SLC6A11: variants seen among roughly 807,000 people sequenced by gnomAD.
SLC6A11 encodes the protein sodium- and chloride-dependent GABA transporter 3.
Under a neutral mutation model 74.8 loss-of-function variants are expected in SLC6A11, and 25 were observed. The observed-to-expected ratio is 0.33, with a 90% CI of 0.24 to 0.47. The LOEUF is 0.47. Ranked by LOEUF, SLC6A11 falls within the 20% of genes least tolerant of loss-of-function variation. The probability of loss-of-function intolerance (pLI) is 1.00; values close to 1 mark genes in which losing one functional copy is unlikely to be tolerated. For missense variants in SLC6A11, 574 were observed against 837.0 expected (o/e 0.69, Z 3.88); for synonymous variants, 330 against 330.2 (o/e 1.00, Z 0.01).
chr3:10,881,862 C>T (rs1302712866), intron 6 of SLC6A11, among the ~76,000 whole-genome samples: 1 of 152,184 alleles, frequency 6.6e-6, no homozygotes, highest in African/African-American at 2.4e-5. Context: ...CAGACTGATT[C>T]CCAGCTCCCC....
intron 5 of SLC6A11, among the ~76,000 whole-genome samples, chr3:10,863,807 A>G (rs550500991): frequency 6.6e-6 from 1 of 152,282 alleles, no homozygotes; most frequent in African/African-American, 2.4e-5. Context: ...CAGGGGACAC[A>G]GGAGGACATG....
chr3:10,879,435 C>G (rs1190818356), intron 6 of SLC6A11, among the ~76,000 whole-genome samples: 6 of 152,088 alleles, frequency 3.9e-5, no homozygotes, highest in Admixed American at 3.9e-4. Flanking sequence ...TTGTGAATAC[C>G]CAGCCCATGA....
Position 10,819,573 on chromosome 3 carries a change from G to C in SLC6A11, c.365G>C (p.Trp122Ser). 6.2e-7 allele frequency: 1 copy of C among 1,614,082 alleles called. No homozygotes were observed. The highest frequency in any genetic ancestry group is 8.5e-7 in the Non-Finnish European group (1 of 1,180,012). Reference sequence around the variant, plus strand: ...ACAAGTGAAGGTGGCATTACGTGTTGGAGGAAAGTTTGCCCTTTATTTGAA... The same window carrying C: ...ACAAGTGAAGGTGGCATTACGTGTTCGAGGAAAGTTTGCCCTTTATTTGAA... ...QFTSEGGITC[W>S]RKVCPLFEGI... The change falls in exon 2 of 14, where the codon TGG becomes TCG. Residue 122 changes from tryptophan to serine, a missense_variant. Trp to Ser is a radical substitution (Grantham distance 177, BLOSUM62 -3). Coordinates refer to ENST00000254488, the MANE Select transcript of SLC6A11 (RefSeq NM_014229.3).
intron 6 of SLC6A11, among the ~76,000 whole-genome samples, chr3:10,896,313 C>T (rs1327530681): frequency 2.0e-5 from 3 of 152,358 alleles, no homozygotes; most frequent in Non-Finnish European, 4.4e-5. Context: ...GATGCTTTTT[C>T]AGGCCCAAAG....
At chr3:10,919,006 G>A (rs6803822) in intron 8 of SLC6A11, among the ~76,000 whole-genome samples, 2,193 of 151,988 alleles carry the variant, frequency 0.014, 50 homozygotes, top group African/African-American at 0.051. Context: ...CCACCACAGC[G>A]GTCTGCTTCA....
intron 7 of SLC6A11, among the ~76,000 whole-genome samples, chr3:10,912,468 G>T (rs185493778): frequency 6.6e-6 from 1 of 152,366 alleles, no homozygotes; most frequent in Admixed American, 6.5e-5. Context: ...GTATGGTAAA[G>T]ACGTATTCCA....
intron 4 of SLC6A11, among the ~76,000 whole-genome samples, chr3:10,827,202 T>C (rs1463273015): frequency 6.6e-6 from 1 of 152,212 alleles, no homozygotes; most frequent in African/African-American, 2.4e-5. Flanking sequence ...AGCTATGTCC[T>C]TCAGTGAGAA....
At chr3:10,876,483 C>T (rs944634881) in intron 6 of SLC6A11, among the ~76,000 whole-genome samples, 2 of 152,158 alleles carry the variant, frequency 1.3e-5, no homozygotes, top group South Asian at 2.1e-4. Flanking sequence ...CTCTCCTCTG[C>T]TTATGGGCTT....
At chr3:10,867,908 A>G (rs1168726965) in intron 5 of SLC6A11, among the ~76,000 whole-genome samples, 1 of 152,160 alleles carries the variant, frequency 6.6e-6, no homozygotes, top group African/African-American at 2.4e-5. Flanking sequence ...TTTTCGTCAC[A>G]TTTATTTTTG....
chr3:10,827,128 G>A (rs1055245698), intron 4 of SLC6A11, among the ~76,000 whole-genome samples: 1 of 152,192 alleles, frequency 6.6e-6, no homozygotes, highest in Non-Finnish European at 1.5e-5. Flanking sequence ...TATAGAGATT[G>A]TGTGAGATGT....
chr3:10,831,964 A>G (rs1420185928), intron 4 of SLC6A11, among the ~76,000 whole-genome samples: 1 of 152,222 alleles, frequency 6.6e-6, no homozygotes, highest in East Asian at 1.9e-4. Flanking sequence ...AACACAAAGG[A>G]GAGTTTGCAG....
chr3:10,903,550 A>T (rs1462890175), intron 6 of SLC6A11, among the ~76,000 whole-genome samples: 1 of 152,208 alleles, frequency 6.6e-6, no homozygotes, highest in East Asian at 1.9e-4. Flanking sequence ...ATTTAGTGAC[A>T]GCTTCAGCCT....
At chr3:10,938,034 C>A (rs1157399628) in intron 13 of SLC6A11, among the ~76,000 whole-genome samples, 2 of 152,128 alleles carry the variant, frequency 1.3e-5, no homozygotes, top group African/African-American at 2.4e-5. Context: ...GGAGTAGGGA[C>A]CTCTACGGTC....
chr3:10,920,082 GTCC>G (rs1695515930), intron 8 of SLC6A11, among the ~76,000 whole-genome samples: 1 of 152,180 alleles, frequency 6.6e-6, no homozygotes, highest in African/African-American at 2.4e-5. Flanking sequence ...GAGAATCCAT[GTCC>G]TCCTCTGTAA....
At chr3:10,845,291 T>C (rs1694489305) in intron 5 of SLC6A11, among the ~76,000 whole-genome samples, 1 of 152,206 alleles carries the variant, frequency 6.6e-6, no homozygotes, top group Non-Finnish European at 1.5e-5. Context: ...CAGGGGGCTC[T>C]GGTTGGCCAC....
chr3:10,880,821 C>T (rs1411430490), intron 6 of SLC6A11, among the ~76,000 whole-genome samples: 1 of 152,094 alleles, frequency 6.6e-6, no homozygotes, highest in Non-Finnish European at 1.5e-5. Flanking sequence ...GCCCAGCAAC[C>T]CTTCCTTAAT....
rs1022641187 is a variant in SLC6A11 at position 10,918,645 on chromosome 3, C to T, written c.1120+192C>T. Among the ~76,000 whole-genome samples the T allele has an allele frequency of 6.6e-6, 1 of 152,112 alleles. No individual in the cohort carries two copies. The highest frequency in any genetic ancestry group is 2.4e-5 in the African/African-American group (1 of 41,422). On this transcript the variant is annotated intron_variant, in intron 8 of 13. Coordinates refer to ENST00000254488, the MANE Select transcript of SLC6A11 (RefSeq NM_014229.3). The surrounding 1 kb of genome is among the most constrained non-coding windows in gnomAD (Gnocchi z 4.5). ...AGGAAAGTCTCGACACCTCCTCCCT[C>T]CCAAATCCAAGGCATCCCCGAGTTT...
Position 10,843,930 on chromosome 3 carries a change from G to A in SLC6A11, c.624-284G>A, listed in dbSNP as rs148783370. Among the ~76,000 whole-genome samples, 475 of 152,332 alleles carry A rather than the reference G, an allele frequency of 3.1e-3. 1 individual carries two copies. Among genetic ancestry groups the A allele is most frequent in the Admixed American group, 5.3e-3 (81 of 15,310 alleles). On this transcript the variant is annotated intron_variant, in intron 4 of 13. Coordinates refer to ENST00000254488, the MANE Select transcript of SLC6A11 (RefSeq NM_014229.3). ...AATATGATCTCCTGGGAACTCCAAGGTAGGCTGGGTGCATCCTCCATCGGA... is the reference window on the plus strand; with the variant it reads ...AATATGATCTCCTGGGAACTCCAAGATAGGCTGGGTGCATCCTCCATCGGA...
chr3:10,909,429 G>C (rs1346073961), intron 6 of SLC6A11, among the ~76,000 whole-genome samples: 2 of 152,184 alleles, frequency 1.3e-5, no homozygotes, highest in Non-Finnish European at 2.9e-5. Flanking sequence ...TCTGGGGCTT[G>C]TGGGTCGAAA....
Sources: gnomAD v4.1 joint callset for allele counts (sites outside exome capture counted in the v4.1 genomes callset) on GRCh38, gnomAD v4.1.1 for gene constraint, Gnocchi (gnomAD v3.1) non-coding constraint, MANE v1.5 for transcripts, NCBI Gene and HGNC (gene_info 2026-07-23, HGNC 2026-07-21) for gene names.